Variants in DLGAP5 observed in about 807,000 individuals in gnomAD.
DLGAP5 encodes the protein disks large-associated protein 5.
Under a neutral mutation model 99.6 loss-of-function variants are expected in DLGAP5, and 90 were observed. The observed-to-expected ratio is 0.90, with a 90% confidence interval of 0.76 to 1.08. The LOEUF (loss-of-function observed/expected upper bound fraction) is 1.08, where lower values mean the gene tolerates loss of function less well. Among genes scored for constraint, DLGAP5 ranks in the 50% least tolerant of loss-of-function variants. The pLI, the probability that DLGAP5 is intolerant of heterozygous loss-of-function variation, is 0.00. For synonymous variants in DLGAP5, 311 were observed against 321.3 expected (o/e 0.97, Z 0.34); for missense variants, 1,036 against 983.5 (o/e 1.05, Z -0.71).
rs762874365 is a variant in DLGAP5 at position 55,183,665 on chromosome 14, C to T, written c.327G>A (p.Gln109=). The T allele has an allele frequency of 2.0e-5, 32 of 1,612,636 alleles. No homozygotes were observed. The highest frequency in any genetic ancestry group is 1.5e-4 in the Admixed American group (9 of 59,688). ...EEKQLQKLKE[Q]REKAKRGIFK... ...ATATTCCTCGTTTAGCTTTCTCTCTCTGCTCTTTCAATTTTTGAAGTTGCT... is the reference window on the plus strand; with the variant it reads ...ATATTCCTCGTTTAGCTTTCTCTCTTTGCTCTTTCAATTTTTGAAGTTGCT... The change falls in exon 3 of 19, where the codon CAG becomes CAA. Residue 109 remains glutamine, a synonymous_variant. Transcript: ENST00000247191.
intron 7 of DLGAP5, among the ~76,000 whole-genome samples, chr14:55,177,688 C>T (rs1485667862): frequency 6.6e-6 from 1 of 151,724 alleles, no homozygotes; most frequent in Non-Finnish European, 1.5e-5. Flanking sequence ...CAGACGCCCG[C>T]CACCACGCCC....
chr14:55,156,495 TG>T (rs2140306976), intron 14 of DLGAP5, among the ~76,000 whole-genome samples: 1 of 152,356 alleles, frequency 6.6e-6, no homozygotes, highest in South Asian at 2.1e-4. Flanking sequence ...GCATCTTCTC[TG>T]GGGAATCTGA....
chr14:55,184,336 T>C (rs1883367163), intron 2 of DLGAP5, among the ~76,000 whole-genome samples: 1 of 152,226 alleles, frequency 6.6e-6, no homozygotes, highest in Non-Finnish European at 1.5e-5. Context: ...TCTTTAGCAC[T>C]CTAACCACAA....
chr14:55,180,513 C>G, intron 6 of DLGAP5, 143 bp downstream of exon 6: 1 of 1,162,762 alleles, frequency 8.6e-7, no homozygotes, highest in Non-Finnish European at 1.2e-6. Context: ...GATGTCAGGG[C>G]ACAGAATCTA....
chr14:55,177,181 C>T lies in DLGAP5; in HGVS notation c.930G>A (p.Lys310=), dbSNP rs1270090686. 6.2e-7 allele frequency: 1 copy of T among 1,613,044 alleles called. No individual in the cohort carries two copies. The highest frequency in any genetic ancestry group is 1.7e-5 in the Admixed American group (1 of 59,790). Residue 310 remains lysine (K), a synonymous_variant, in exon 8 of 19, where the codon AAG becomes AAA. Coordinates refer to ENST00000247191, the MANE Select transcript of DLGAP5 (RefSeq NM_014750.5). ...KIKGKNSFAP[K]DFMFQPLDGL... ...CATCCAGTGGCTGAAACATAAAATC[C>T]TTAGGTGCAAAGGAATTCTTCCCTT...
At chr14:55,152,560 GCTAT>G in intron 16 of DLGAP5, 26 bp downstream of exon 16, 1 of 1,542,824 alleles carries the variant, frequency 6.5e-7, no homozygotes, top group Non-Finnish European at 8.8e-7. Flanking sequence ...GACATACTGG[GCTAT>G]CTAACCACAC....
Position 55,177,251 on chromosome 14 carries a change from A to G in DLGAP5, c.860T>C (p.Leu287Ser). 6.2e-7 allele frequency: 1 copy of G among 1,613,546 alleles called. No homozygotes were observed. The highest frequency in any genetic ancestry group is 2.2e-5 in the East Asian group (1 of 44,828). ...ATSGMNPDGV[L>S]SKMENLPEIN... ...CTCAGGTAAGTTTTCCATTTTTGAT[A>G]AGACTCCATCTGGATTCATTCCACT... Residue 287 changes from leucine (L) to serine (S), a missense_variant, in exon 8 of 19, where the codon TTA becomes TCA. By Grantham distance (145) the Leu-to-Ser change is moderately radical. Transcript: ENST00000247191.
intron 12 of DLGAP5, 96 bp downstream of exon 12, chr14:55,169,303 C>T (rs889662445): frequency 1.4e-6 from 1 of 734,848 alleles, no homozygotes; most frequent in Non-Finnish European, 2.0e-6. Context: ...ATTACAGGTA[C>T]ATAAGCAGCT....
At chr14:55,161,880 A>C (rs1882453255) in intron 13 of DLGAP5, among the ~76,000 whole-genome samples, 1 of 133,578 alleles carries the variant, frequency 7.5e-6, no homozygotes, top group Non-Finnish European at 1.7e-5. Flanking sequence ...GTCTCAAAAA[A>C]AAAAAAAAAA....
chr14:55,190,347 C>T (rs563957686), intron 1 of DLGAP5, among the ~76,000 whole-genome samples: 2 of 151,586 alleles, frequency 1.3e-5, no homozygotes, highest in African/African-American at 4.9e-5. Flanking sequence ...TTGGCACATG[C>T]CTTTTTCTTG....
At chr14:55,162,629 A>AAAG (rs953204272) in intron 13 of DLGAP5, among the ~76,000 whole-genome samples, 2 of 151,682 alleles carry the variant, frequency 1.3e-5, no homozygotes, top group Non-Finnish European at 2.9e-5. Flanking sequence ...AAAAAAAAAA[A>AAAG]AAGAAGAAGA....
intron 10 of DLGAP5, among the ~76,000 whole-genome samples, chr14:55,172,179 T>TAAAA (rs35259527): frequency 3.6e-5 from 5 of 139,772 alleles, no homozygotes; most frequent in Non-Finnish European, 6.3e-5. Flanking sequence ...TTTGTTTCTT[T>TAAAA]AAAAAAAAAA....
chr14:55,157,755 T>C (rs1882263851), intron 14 of DLGAP5, among the ~76,000 whole-genome samples: 3 of 152,226 alleles, frequency 2.0e-5, no homozygotes, highest in South Asian at 2.1e-4. Flanking sequence ...CAAATCCACT[T>C]TGCATAAACT....
chr14:55,150,853 A>T lies in DLGAP5; in HGVS notation c.2369-5T>A. ...GACTTTTATTATCAAATAGTTCTGA[A>T]AAACAACAAAAAAAAACTTTTTAAA... On this transcript the variant is annotated splice_polypyrimidine_tract_variant and splice_region_variant and intron_variant, in intron 17 of 18. Coordinates refer to ENST00000247191, the MANE Select transcript of DLGAP5 (RefSeq NM_014750.5). 1 of 1,544,908 alleles carries T rather than the reference A, an allele frequency of 6.5e-7. No individual in the cohort carries two copies. The highest frequency in any genetic ancestry group is 1.2e-5 in the South Asian group (1 of 83,210).
chr14:55,179,616 GT>G lies in DLGAP5; in HGVS notation c.774+12del. 1 of 1,601,124 alleles carries G rather than the reference GT, an allele frequency of 6.2e-7. No individual in the cohort carries two copies. Among genetic ancestry groups the G allele is most frequent in the Non-Finnish European group, 8.5e-7 (1 of 1,172,196 alleles). On this transcript the variant is annotated intron_variant, in intron 7 of 18. Transcript: ENST00000247191. The stretch of plus-strand genomic sequence containing the variant: ...TCAAAGCATCTAGAATTAAAAAGAT[GT>G]TTATTCTCTACCTTGTCGGGTTTTG...
At chr14:55,183,105 C>T (rs1883327115) in intron 3 of DLGAP5, among the ~76,000 whole-genome samples, 1 of 152,144 alleles carries the variant, frequency 6.6e-6, no homozygotes, top group Non-Finnish European at 1.5e-5. Context: ...ATTTAGATGT[C>T]TTACACCTAT....
chr14:55,181,144 C>T (rs543715605), intron 5 of DLGAP5, 69 bp downstream of exon 5: 1 of 1,430,366 alleles, frequency 7.0e-7, no homozygotes, highest in Admixed American at 2.0e-5. Flanking sequence ...AGTTGACCTT[C>T]AAGACACTTA....
intron 3 of DLGAP5, among the ~76,000 whole-genome samples, chr14:55,182,836 C>G (rs934863206): frequency 2.6e-5 from 4 of 152,138 alleles, no homozygotes; most frequent in African/African-American, 9.7e-5. Flanking sequence ...AGTCCTACAG[C>G]TTAAACACTC....
At chr14:55,184,234 G>T (rs1394015457) in intron 2 of DLGAP5, among the ~76,000 whole-genome samples, 1 of 152,148 alleles carries the variant, frequency 6.6e-6, no homozygotes, top group Non-Finnish European at 1.5e-5. Context: ...GAGGTGGAAG[G>T]ATCATTTGAG....
Sources: gnomAD v4.1 joint callset for allele counts (sites outside exome capture counted in the v4.1 genomes callset) on GRCh38, gnomAD v4.1.1 for gene constraint, MANE v1.5 for transcripts, NCBI Gene and HGNC (gene_info 2026-07-23, HGNC 2026-07-21) for gene names.